The following CSMD2 variants were observed in gnomAD, a reference collection of about 807,000 sequenced individuals.
The protein encoded by CSMD2 is CUB and sushi domain-containing protein 2.
CSMD2 carries 130 observed loss-of-function variants against 398.5 expected under a neutral mutation model. The observed-to-expected ratio is 0.33, with a 90% CI of 0.28 to 0.38. The LOEUF is 0.38. Ranked by LOEUF, CSMD2 falls within the 10% of genes least tolerant of loss-of-function variation. The pLI is 1.00. For synonymous variants in CSMD2, 1,828 were observed against 1,908.5 expected (o/e 0.96, Z 1.10); for missense variants, 3,829 against 4,764.9 (o/e 0.80, Z 5.78).
chr1:34,027,454 C>T (rs1181960647), intron 3 of CSMD2, among the ~76,000 whole-genome samples: 4 of 152,276 alleles, frequency 2.6e-5, no homozygotes, highest in Middle Eastern at 3.4e-3. Flanking sequence ...TCTGAAGACA[C>T]GATGGAATTA....
chr1:33,806,552 A>G (rs1281135737), intron 10 of CSMD2, among the ~76,000 whole-genome samples: 2 of 152,208 alleles, frequency 1.3e-5, no homozygotes, highest in Non-Finnish European at 2.9e-5. Flanking sequence ...TCTGAGTGCA[A>G]GAGGTGAGAA....
At chr1:34,051,311 A>G (rs1412696290) in intron 2 of CSMD2, among the ~76,000 whole-genome samples, 1 of 152,240 alleles carries the variant, frequency 6.6e-6, no homozygotes, top group East Asian at 1.9e-4. Context: ...CAAAGGGAAT[A>G]CAGAATGGGT....
chr1:33,835,673 C>CA lies in CSMD2; in HGVS notation c.1034-9900dup, dbSNP rs1390268496. Among the ~76,000 whole-genome samples, 8 of 65,160 alleles carry CA rather than the reference C, an allele frequency of 1.2e-4. No homozygotes were observed. The South Asian group carries it at 3.8e-3, about 31-fold the overall frequency. 42.7% of individuals were successfully genotyped at this position (65,160 alleles called of 152,430 possible). A position where few individuals can be genotyped will look rare whatever the true frequency, so the allele number is the denominator to read the frequency against. The stretch of plus-strand genomic sequence containing the variant: ...ATAATAATAATAAAATAAATTAAAA[C>CA]AAAACAAAACAAAACAAAAAAAACA... On this transcript the variant is annotated intron_variant, in intron 6 of 70. Transcript: ENST00000373381.
At chr1:33,659,651 C>A (rs1308422937) in intron 26 of CSMD2, among the ~76,000 whole-genome samples, 1 of 152,230 alleles carries the variant, frequency 6.6e-6, no homozygotes, top group Non-Finnish European at 1.5e-5. Flanking sequence ...TGAGGATGCA[C>A]ACCCATTCTC....
At position 33,788,581 on chromosome 1, in the gene CSMD2, G is replaced by A. The variant is rs759323782; in HGVS notation, c.1663+19C>T. 2.9e-6 allele frequency: 4 copies of A among 1,393,840 alleles called. No individual in the cohort carries two copies. The South Asian group carries it at 3.5e-5, about 12-fold the overall frequency. The allele number at this position is 1,393,840 out of a possible 1,614,324, so 86.3% of individuals were successfully genotyped here. ...TGACTCCCAGGACACAGTTCATCTG[G>A]CTTGCCAAAAGCAGTTACCTTCATA... On this transcript the variant is annotated intron_variant, in intron 12 of 70. Coordinates refer to ENST00000373381, the MANE Select transcript of CSMD2 (RefSeq NM_001281956.2).
chr1:33,808,365 G>T (rs951343649), intron 10 of CSMD2, among the ~76,000 whole-genome samples: 5 of 151,746 alleles, frequency 3.3e-5, no homozygotes, highest in Admixed American at 6.6e-5. Context: ...GACCATTTCT[G>T]GTCCTAAAAG....
At chr1:33,830,378 G>A (rs553395886) in intron 6 of CSMD2, among the ~76,000 whole-genome samples, 5 of 152,298 alleles carry the variant, frequency 3.3e-5, no homozygotes, top group South Asian at 4.1e-4. Context: ...TGCAGACACC[G>A]CTGCTGATAC....
chr1:34,093,688 T>C (rs372495495), intron 1 of CSMD2, among the ~76,000 whole-genome samples: 8 of 150,412 alleles, frequency 5.3e-5, no homozygotes, highest in South Asian at 2.1e-4. Flanking sequence ...TGAAATGAAG[T>C]GAGAAGGGAA....
chr1:33,874,487 T>C (rs1640695837), intron 5 of CSMD2, among the ~76,000 whole-genome samples: 1 of 152,208 alleles, frequency 6.6e-6, no homozygotes, highest in South Asian at 2.1e-4. Flanking sequence ...TCAAGAACTC[T>C]TTGCAAATAC....
intron 5 of CSMD2, among the ~76,000 whole-genome samples, chr1:33,893,588 G>A (rs903891922): frequency 1.3e-5 from 2 of 152,214 alleles, no homozygotes; most frequent in African/African-American, 4.8e-5. Flanking sequence ...GCCTCCAAGT[G>A]GGAGTTCCTG....
At chr1:34,081,571 G>A (rs961257096) in intron 2 of CSMD2, among the ~76,000 whole-genome samples, 3 of 152,100 alleles carry the variant, frequency 2.0e-5, no homozygotes, top group Non-Finnish European at 2.9e-5. Context: ...GGCGCGCGCC[G>A]CCACGCCTGA....
At chr1:33,805,891 T>G (rs779762030) in intron 10 of CSMD2, among the ~76,000 whole-genome samples, 1 of 151,928 alleles carries the variant, frequency 6.6e-6, no homozygotes, top group South Asian at 2.1e-4. Context: ...AGCTATCTAG[T>G]GGGCAGTATT....
intron 28 of CSMD2, among the ~76,000 whole-genome samples, chr1:33,650,538 C>T (rs920405924): frequency 7.2e-6 from 1 of 139,196 alleles, no homozygotes; most frequent in Non-Finnish European, 1.5e-5. Context: ...GAGCTTAGGG[C>T]TTAGGATGGG....
rs889822660 is a variant in CSMD2 at position 33,726,964 on chromosome 1, T to C, written c.2369-279A>G. 2.0e-5 allele frequency among the ~76,000 whole-genome samples: 3 copies of C among 152,170 alleles called. No individual in the cohort carries two copies. The East Asian group carries it at 5.8e-4, about 29-fold the overall frequency. On this transcript the variant is annotated intron_variant, in intron 15 of 70. Coordinates refer to ENST00000373381, the MANE Select transcript of CSMD2 (RefSeq NM_001281956.2). ...GAAGGGCTGAAGTACAACTAATATT[T>C]GGGCCACATGGTGTTTTTCCTTCGT...
Position 33,559,207 on chromosome 1 carries a change from C to T in CSMD2, c.8554+93G>A. 1 of 1,191,324 alleles carries T rather than the reference C, an allele frequency of 8.4e-7. No homozygotes were observed. The highest frequency in any genetic ancestry group is 1.2e-6 in the Non-Finnish European group (1 of 855,434). 73.8% of individuals were successfully genotyped at this position (1,191,324 alleles called of 1,614,324 possible). On this transcript the variant is annotated intron_variant, in intron 54 of 70. Transcript: ENST00000373381. The surrounding 1 kb of genome is among the most constrained non-coding windows in gnomAD (Gnocchi z 4.0). The stretch of plus-strand genomic sequence containing the variant: ...CTTCCCTATCTGGATCAGAATGATG[C>T]CAGAATGAATTCACTGGCTTCTTTT...
At chr1:33,647,032 G>T (rs1442030204) in intron 28 of CSMD2, among the ~76,000 whole-genome samples, 197 bp from the exon 29 acceptor site, 1 of 152,156 alleles carries the variant, frequency 6.6e-6, no homozygotes. Context: ...GAAGATGGAA[G>T]AGGCAGGCTC....
intron 12 of CSMD2, among the ~76,000 whole-genome samples, chr1:33,781,458 T>C (rs1299393305): frequency 1.3e-5 from 2 of 152,218 alleles, no homozygotes; most frequent in Non-Finnish European, 2.9e-5. Flanking sequence ...GTCCTGAACA[T>C]TGTCTGCAAC....
In CSMD2 at chr1:33,726,548, T is replaced by C; in HGVS notation, c.2506A>G (p.Arg836Gly). ...CCCCAAGGCTGTGGTCACAAGCACC[T>C]GTCGAAGGTGATTTTGATGGGGTAG... ...PGYPIKITFD[R>G]FKTEVNYDTL... is the part of the protein sequence containing the mutation. The change falls in exon 16 of 71, where the codon AGA becomes GGA. Residue 836 changes from arginine (R) to glycine (G), a missense_variant and splice_region_variant. Transcript: ENST00000373381. 6.2e-7 allele frequency: 1 copy of C among 1,608,444 alleles called. No individual in the cohort carries two copies. The highest frequency in any genetic ancestry group is 8.5e-7 in the Non-Finnish European group (1 of 1,176,248).
intron 1 of CSMD2, among the ~76,000 whole-genome samples, chr1:34,095,623 T>G (rs1308997793): frequency 6.6e-6 from 1 of 151,920 alleles, no homozygotes; most frequent in Admixed American, 6.6e-5. Flanking sequence ...CAGAGAATAC[T>G]ACAAACACCT....
Sources: allele counts gnomAD v4.1 joint callset (sites outside exome capture counted in the v4.1 genomes callset), GRCh38; gene constraint gnomAD v4.1.1; non-coding constraint Gnocchi (gnomAD v3.1); transcripts MANE v1.5; gene names NCBI Gene and HGNC (gene_info 2026-07-23, HGNC 2026-07-21).